Variants in HMCN1 observed in about 807,000 individuals in gnomAD.
HMCN1 encodes hemicentin 1, also known as hemicentin-1.
A neutral mutation model predicts 625.9 loss-of-function variants in HMCN1; 321 were observed. The ratio of observed to expected loss-of-function variants is 0.51; its 90% confidence interval spans 0.47 to 0.56. The LOEUF (loss-of-function observed/expected upper bound fraction) is 0.56, where lower values mean the gene tolerates loss of function less well. Ranked by LOEUF, HMCN1 falls within the 20% of genes least tolerant of loss-of-function variation. HMCN1 has a pLI of 0.00. For missense variants in HMCN1, 6,588 were observed against 6,887.3 expected (o/e 0.96, Z 1.54); for synonymous variants, 2,425 against 2,417.6 (o/e 1.00, Z -0.09).
intron 30 of HMCN1, among the ~76,000 whole-genome samples, chr1:186,013,553 G>C (rs181840146): frequency 9.2e-5 from 14 of 152,260 alleles, no homozygotes; most frequent in Admixed American, 8.5e-4. Context: ...TCCAGATCTT[G>C]TTTTCTAATA....
chr1:186,135,184 A>C (rs528297048), intron 86 of HMCN1, among the ~76,000 whole-genome samples: 1 of 152,312 alleles, frequency 6.6e-6, no homozygotes, highest in East Asian at 1.9e-4. Flanking sequence ...TTCTGCCAGC[A>C]GTTGCATGCA....
chr1:186,139,148 T>C (rs1558252862), intron 89 of HMCN1, among the ~76,000 whole-genome samples: 1 of 152,142 alleles, frequency 6.6e-6, no homozygotes, highest in Non-Finnish European at 1.5e-5. Context: ...ATTGTGCAGA[T>C]GAGGAAAGAT....
rs540692260 is a variant in HMCN1 at position 186,129,142 on chromosome 1, G to A, written c.12905-824G>A. The stretch of plus-strand genomic sequence containing the variant: ...AGTACTAATGTTTTCTGAAAGTGCA[G>A]TAATGTAAATGTACTTTTAAAGCTT... On this transcript the variant is annotated intron_variant, in intron 83 of 106. Transcript: ENST00000271588. Among the ~76,000 whole-genome samples the A allele has an allele frequency of 6.2e-4, 94 of 151,548 alleles. 1 individual carries two copies. The highest frequency in any genetic ancestry group is 6.9e-3 in the Middle Eastern group (2 of 290).
chr1:186,001,593 G>T lies in HMCN1; in HGVS notation c.4201-1G>T. The T allele has an allele frequency of 6.2e-7, 1 of 1,612,936 alleles. No homozygotes were observed. Among genetic ancestry groups the T allele is most frequent in the Non-Finnish European group, 8.5e-7 (1 of 1,179,232 alleles). On this transcript the variant is annotated splice_acceptor_variant, in intron 27 of 106. Transcript: ENST00000271588. LOFTEE classifies it high-confidence loss of function. ...AACACTGACCATTTTGGCCCTTAAA[G>T]GTGACTGAAAGCAGCACTATTCAGA... is the stretch of plus-strand genomic sequence containing the variant.
chr1:185,922,563 C>T (rs1378932167), intron 7 of HMCN1, 64 bp downstream of exon 7: 2 of 1,417,912 alleles, frequency 1.4e-6, no homozygotes, highest in Non-Finnish European at 1.9e-6. Context: ...ATTTCTCAGA[C>T]TGTCTATAAT....
chr1:185,810,876 A>T (rs1194058565), intron 1 of HMCN1, among the ~76,000 whole-genome samples: 1 of 152,190 alleles, frequency 6.6e-6, no homozygotes, highest in African/African-American at 2.4e-5. Context: ...TTATAAAAAA[A>T]ATTCAGACAT....
At chr1:185,961,427 A>G (rs1650015292) in intron 11 of HMCN1, among the ~76,000 whole-genome samples, 2 of 152,222 alleles carry the variant, frequency 1.3e-5, no homozygotes, top group African/African-American at 4.8e-5. Context: ...TGTCCCTGCA[A>G]GTTAGCACAG....
At chr1:186,170,908 A>C (rs1220979322) in intron 100 of HMCN1, among the ~76,000 whole-genome samples, 3 of 152,216 alleles carry the variant, frequency 2.0e-5, no homozygotes, top group Non-Finnish European at 4.4e-5. Context: ...GCACAGGGTG[A>C]TAAAGACTTG....
intron 36 of HMCN1, among the ~76,000 whole-genome samples, chr1:186,035,262 A>G (rs1003685651): frequency 2.6e-5 from 4 of 152,186 alleles, no homozygotes; most frequent in African/African-American, 4.8e-5. Flanking sequence ...TACAAAAGCA[A>G]TTTTAAGAGT....
At chr1:185,909,066 C>T (rs1286236377) in intron 4 of HMCN1, among the ~76,000 whole-genome samples, 1 of 151,996 alleles carries the variant, frequency 6.6e-6, no homozygotes, top group East Asian at 1.9e-4. Flanking sequence ...CATGTCTCCC[C>T]TCACTGGTTT....
chr1:185,842,832 C>T (rs1045891196), intron 1 of HMCN1, among the ~76,000 whole-genome samples: 2 of 152,124 alleles, frequency 1.3e-5, no homozygotes, highest in African/African-American at 4.8e-5. Context: ...GAAGCTCATC[C>T]TGCCCATAGT....
chr1:185,938,033 TA>T (rs1015983942), intron 11 of HMCN1, among the ~76,000 whole-genome samples: 27 of 151,772 alleles, frequency 1.8e-4, no homozygotes, highest in African/African-American at 6.5e-4. Flanking sequence ...TTATACTATA[TA>T]AAAAATCATG....
rs747626016 is a variant in HMCN1 at position 186,001,761 on chromosome 1, A to T, written c.4348+20A>T. ...TGCTAGGTAAGAAATACATCCTTTT[A>T]AAAAACTACAATTCAGAAGCATTTC... On this transcript the variant is annotated intron_variant, in intron 28 of 106. Coordinates refer to ENST00000271588, the MANE Select transcript of HMCN1 (RefSeq NM_031935.3). The T allele has an allele frequency of 9.9e-5, 158 of 1,597,882 alleles. No individual in the cohort carries two copies. In the East Asian group the frequency reaches 2.9e-3, roughly 29 times the overall value.
chr1:186,068,738 A>C (rs1310132152), intron 50 of HMCN1, among the ~76,000 whole-genome samples: 2 of 151,938 alleles, frequency 1.3e-5, no homozygotes, highest in Admixed American at 6.6e-5. Context: ...GCGTGGTGGC[A>C]CATGCCTGTA....
At chr1:186,122,053 T>C (rs773876654) in intron 80 of HMCN1, among the ~76,000 whole-genome samples, 6 of 152,096 alleles carry the variant, frequency 3.9e-5, no homozygotes, top group Non-Finnish European at 8.8e-5. Flanking sequence ...ATTTGAGGAG[T>C]TGTTTCTTCA....
intron 2 of HMCN1, among the ~76,000 whole-genome samples, chr1:185,846,959 T>C (rs951721646): frequency 1.3e-5 from 2 of 152,170 alleles, no homozygotes; most frequent in African/African-American, 4.8e-5. Flanking sequence ...TTTCCTCTCT[T>C]AGATAATTCA....
In HMCN1 at chr1:186,093,115, G is replaced by A; in HGVS notation, c.9888-19G>A. On this transcript the variant is annotated intron_variant, in intron 64 of 106. Transcript: ENST00000271588. ...GATTCAATCTCATCTCAGCCCCTCT[G>A]TTATGATCTTTTCCGTAGAGTGAGT... 1 of 1,613,008 alleles carries A rather than the reference G, an allele frequency of 6.2e-7. No individual in the cohort carries two copies. The highest frequency in any genetic ancestry group is 8.5e-7 in the Non-Finnish European group (1 of 1,179,324).
rs754501803 is a variant in HMCN1 at position 186,136,785 on chromosome 1, G to A, written c.13430G>A (p.Gly4477Glu). 2.5e-6 allele frequency: 4 copies of A among 1,613,966 alleles called. No individual in the cohort carries two copies. Among genetic ancestry groups the A allele is most frequent in the Admixed American group, 1.7e-5 (1 of 59,982 alleles). The change falls in exon 87 of 107, where the codon GGG (glycine) becomes GAG (glutamate). Residue 4477 changes from glycine to glutamate, a missense_variant. Physicochemically the swap from Gly to Glu is moderately conservative, Grantham distance 98. Transcript: ENST00000271588. ...CCAACCATTACATGGTCCCGTCAAGGGCACTCTATTTCCTGGGATGACCGG... is the reference window on the plus strand; with the variant it reads ...CCAACCATTACATGGTCCCGTCAAGAGCACTCTATTTCCTGGGATGACCGG... ...PQPTITWSRQ[G>E]HSISWDDRVN...
At chr1:185,834,184 T>C (rs1168415467) in intron 1 of HMCN1, among the ~76,000 whole-genome samples, 2 of 152,208 alleles carry the variant, frequency 1.3e-5, no homozygotes, top group African/African-American at 2.4e-5. Context: ...TAAGTGAATG[T>C]AGCTATCTAC....
Sources: gnomAD v4.1 joint callset for allele counts (sites outside exome capture counted in the v4.1 genomes callset) on GRCh38, gnomAD v4.1.1 for gene constraint, MANE v1.5 for transcripts, NCBI Gene and HGNC (gene_info 2026-07-23, HGNC 2026-07-21) for gene names.